Variants in HECW2 observed in about 807,000 individuals in gnomAD.
The protein encoded by HECW2 is HECT, C2 and WW domain containing E3 ubiquitin protein ligase 2.
HECW2 carries 61 observed loss-of-function variants against 175.2 expected under a neutral mutation model. That is an observed-to-expected ratio of 0.35 (90% CI 0.28 to 0.43). The LOEUF is 0.43. Ranked by LOEUF, HECW2 falls within the 20% of genes least tolerant of loss-of-function variation. The pLI, the probability that HECW2 is intolerant of heterozygous loss-of-function variation, is 1.00. For synonymous variants in HECW2, 671 were observed against 731.0 expected, an observed-to-expected ratio of 0.92 and a Z score of 1.32; for missense variants, 1,524 against 2,000.5, an observed-to-expected ratio of 0.76 and a Z score of 4.54.
intron 1 of HECW2, among the ~76,000 whole-genome samples, chr2:196,500,304 C>T (rs576114441): frequency 2.0e-5 from 3 of 151,890 alleles, no homozygotes; most frequent in African/African-American, 7.2e-5. Flanking sequence ...AGTTTACTTC[C>T]CCATCCCATG....
rs761647112 is a variant in HECW2 at position 196,319,354 on chromosome 2, A to C, written c.1536T>G (p.Pro512=). 5.6e-6 allele frequency: 9 copies of C among 1,614,196 alleles called. No homozygotes were observed. Among genetic ancestry groups the C allele is most frequent in the African/African-American group, 1.3e-5 (1 of 75,036 alleles). The change falls in exon 9 of 29, where the codon CCT becomes CCG. Residue 512 remains proline, a synonymous_variant. Transcript: ENST00000644978. ...LTSQTKLEDN[P]VENEEASTHE... ...GTGTGGAGGCTTCCTCATTCTCAAC[A>C]GGGTTGTCCTCCAGCTTTGTCTGAG...
chr2:196,502,842 C>T (rs577342070), intron 1 of HECW2, among the ~76,000 whole-genome samples: 1 of 152,236 alleles, frequency 6.6e-6, no homozygotes, highest in Non-Finnish European at 1.5e-5. Context: ...AATGTTCTTA[C>T]ACAGGGCTAC....
intron 2 of HECW2, among the ~76,000 whole-genome samples, chr2:196,422,709 A>G (rs1375476296): frequency 6.6e-6 from 1 of 152,148 alleles, no homozygotes; most frequent in South Asian, 2.1e-4. Flanking sequence ...CCAAAAAACA[A>G]TTACATGTTC....
intron 1 of HECW2, among the ~76,000 whole-genome samples, chr2:196,550,674 A>G (rs373704255): frequency 7.9e-5 from 12 of 152,232 alleles, no homozygotes; most frequent in South Asian, 6.2e-4. Context: ...TTTTGTGACT[A>G]TCTTTATTGC....
chr2:196,291,286 C>T (rs1049487564), intron 14 of HECW2: 1 of 152,178 alleles, frequency 6.6e-6, no homozygotes, highest in Non-Finnish European at 1.5e-5. Context: ...TCCCCAACCA[C>T]CCTCTATGAA....
chr2:196,514,251 G>T (rs1438835743), intron 1 of HECW2, among the ~76,000 whole-genome samples: 1 of 152,234 alleles, frequency 6.6e-6, no homozygotes, highest in Non-Finnish European at 1.5e-5. Flanking sequence ...AACCCAGCCA[G>T]GTGTGCAAGC....
At chr2:196,383,030 G>A (rs1369062485) in intron 2 of HECW2, among the ~76,000 whole-genome samples, 2 of 152,208 alleles carry the variant, frequency 1.3e-5, no homozygotes, top group Non-Finnish European at 2.9e-5. Context: ...GGTGGCAGAA[G>A]CATCAGTCAG....
At position 196,397,014 on chromosome 2, in the gene HECW2, G is replaced by A. The variant is rs527541789; in HGVS notation, c.292+36118C>T. Among the ~76,000 whole-genome samples, 7 of 152,256 alleles carry A rather than the reference G, an allele frequency of 4.6e-5. No individual in the cohort carries two copies. The East Asian group carries it at 1.4e-3, about 29-fold the overall frequency. Reference sequence around the variant, plus strand: ...TGTAGTCCCACCTACTCGGGAAGCTGAGGCAGGAGAAGGAGTGAACCCGGG... The same window carrying A: ...TGTAGTCCCACCTACTCGGGAAGCTAAGGCAGGAGAAGGAGTGAACCCGGG... On this transcript the variant is annotated intron_variant, in intron 2 of 28. Transcript: ENST00000644978.
intron 14 of HECW2, among the ~76,000 whole-genome samples, chr2:196,282,991 TGGCTCAC>T (rs768813738): frequency 8.6e-5 from 13 of 152,004 alleles, no homozygotes; most frequent in Non-Finnish European, 1.8e-4. Context: ...CTAGGTGTGG[TGGCTCAC>T]ACCTGTAATC....
intron 2 of HECW2, among the ~76,000 whole-genome samples, chr2:196,408,328 A>C (rs1695019644): frequency 6.6e-6 from 1 of 152,212 alleles, no homozygotes; most frequent in Non-Finnish European, 1.5e-5. Flanking sequence ...GAAGACTCCA[A>C]ACAACTGCGT....
intron 17 of HECW2, among the ~76,000 whole-genome samples, chr2:196,258,833 T>C (rs1180032405): frequency 6.6e-6 from 1 of 152,248 alleles, no homozygotes; most frequent in Non-Finnish European, 1.5e-5. Flanking sequence ...AATTTTATTC[T>C]GAGTGCTATG....
At chr2:196,491,369 T>TATATACACAC (rs1275717195) in intron 1 of HECW2, among the ~76,000 whole-genome samples, 32 of 130,670 alleles carry the variant, frequency 2.4e-4, no homozygotes, top group African/African-American at 9.2e-4. Context: ...CATATATATA[T>TATATACACAC]ACACACACAC....
chr2:196,294,752 T>C (rs1326184459), intron 13 of HECW2, among the ~76,000 whole-genome samples: 1 of 152,132 alleles, frequency 6.6e-6, no homozygotes, highest in Non-Finnish European at 1.5e-5. Flanking sequence ...CTGATGTGAG[T>C]CCCTCTAGAG....
chr2:196,372,596 T>C (rs1368248029), intron 2 of HECW2, among the ~76,000 whole-genome samples: 1 of 152,220 alleles, frequency 6.6e-6, no homozygotes, highest in Non-Finnish European at 1.5e-5. Flanking sequence ...ACTTTCCCAG[T>C]TGCCAAGATC....
intron 23 of HECW2, among the ~76,000 whole-genome samples, chr2:196,223,980 CTG>C (rs1451327302): frequency 3.3e-5 from 5 of 152,136 alleles, no homozygotes; most frequent in Non-Finnish European, 1.5e-5. Flanking sequence ...TCAAAACTAA[CTG>C]TAATTAATTG....
chr2:196,392,347 AT>A (rs1281935508), intron 2 of HECW2, among the ~76,000 whole-genome samples: 1 of 152,200 alleles, frequency 6.6e-6, no homozygotes, highest in Non-Finnish European at 1.5e-5. Context: ...TCGGATAGGA[AT>A]GTAAGATAAA....
chr2:196,306,649 CTT>C (rs1238636805), intron 12 of HECW2, 37 bp from the exon 13 acceptor site: 16 of 1,568,814 alleles, frequency 1.0e-5, no homozygotes, highest in African/African-American at 1.4e-5. Flanking sequence ...TCAGGGAAAT[CTT>C]TCTATGATGT....
chr2:196,295,464 T>C (rs542304226), intron 13 of HECW2, among the ~76,000 whole-genome samples: 2 of 152,342 alleles, frequency 1.3e-5, no homozygotes, highest in African/African-American at 2.4e-5. Context: ...CTAGTTTGTG[T>C]AGGGATCATA....
intron 1 of HECW2, among the ~76,000 whole-genome samples, chr2:196,529,137 A>T (rs1688762371): frequency 6.6e-6 from 1 of 152,190 alleles, no homozygotes; most frequent in South Asian, 2.1e-4. Flanking sequence ...AAGACAAAAG[A>T]ATGTTCTGGT....
Sources: gnomAD v4.1 joint callset for allele counts (sites outside exome capture counted in the v4.1 genomes callset) on GRCh38, gnomAD v4.1.1 for gene constraint, MANE v1.5 for transcripts, NCBI Gene and HGNC (gene_info 2026-07-23, HGNC 2026-07-21) for gene names.